Variants in EML6 observed in about 807,000 individuals in gnomAD.
EML6 encodes EMAP like 6.
EML6 carries 154 observed loss-of-function variants against 240.1 expected under a neutral mutation model. The observed-to-expected ratio is 0.64, with a 90% CI of 0.56 to 0.73. EML6 has a LOEUF of 0.73. Among genes scored for constraint, EML6 ranks in the 30% least tolerant of loss-of-function variants. The pLI is 0.00. For missense variants in EML6, 2,964 were observed against 2,474.6 expected, an observed-to-expected ratio of 1.20 and a Z score of -4.20; for synonymous variants, 1,148 against 899.0, an observed-to-expected ratio of 1.28 and a Z score of -4.95.
At chr2:54,964,858 C>G (rs1558733741) in intron 38 of EML6, 125 bp downstream of exon 38, 6 of 783,678 alleles carry the variant, frequency 7.7e-6, no homozygotes, top group Non-Finnish European at 1.2e-5. Context: ...ACCAGAACTC[C>G]TTAAGTAGTT....
chr2:54,863,151 C>A (rs919734607), intron 12 of EML6, among the ~76,000 whole-genome samples: 2 of 152,160 alleles, frequency 1.3e-5, no homozygotes, highest in South Asian at 4.1e-4. Flanking sequence ...TGGGCCATGA[C>A]AATTACCAAC....
At chr2:54,952,966 C>A (rs900503057) in intron 31 of EML6, among the ~76,000 whole-genome samples, 2 of 152,028 alleles carry the variant, frequency 1.3e-5, no homozygotes, top group African/African-American at 4.8e-5. Context: ...TTTTTCAGAC[C>A]CCAAGTGTCA....
intron 5 of EML6, among the ~76,000 whole-genome samples, chr2:54,826,079 T>A (rs188404412): frequency 6.6e-6 from 1 of 152,306 alleles, no homozygotes. Flanking sequence ...ATCTCATTGT[T>A]TCATTTGCCT....
At chr2:54,966,610 G>T (rs1676757672) in intron 38 of EML6, 1 of 157,430 alleles carries the variant, frequency 6.4e-6, no homozygotes. Context: ...CTGTGTATCA[G>T]AAACACCTGG....
At chr2:54,949,692 C>T (rs1376771693) in intron 29 of EML6, among the ~76,000 whole-genome samples, 3 of 152,132 alleles carry the variant, frequency 2.0e-5, no homozygotes, top group Non-Finnish European at 2.9e-5. Flanking sequence ...TGGGAGAGTC[C>T]CACATTGCCA....
chr2:54,817,177 T>G (rs977341375), intron 4 of EML6, among the ~76,000 whole-genome samples: 1 of 152,208 alleles, frequency 6.6e-6, no homozygotes, highest in Admixed American at 6.5e-5. Flanking sequence ...TTATGTGTAG[T>G]TTAGATGTAT....
intron 7 of EML6, among the ~76,000 whole-genome samples, chr2:54,837,461 C>T (rs562199957): frequency 6.6e-6 from 1 of 152,322 alleles, no homozygotes; most frequent in African/African-American, 2.4e-5. Flanking sequence ...CACTCACGGG[C>T]ACTCACGGGC....
chr2:54,891,916 C>T (rs376965317), intron 18 of EML6, among the ~76,000 whole-genome samples: 30 of 152,142 alleles, frequency 2.0e-4, no homozygotes, highest in African/African-American at 6.8e-4. Context: ...GTCCCGTATA[C>T]TACCTTTTCC....
At chr2:54,852,995 C>T (rs553753046) in intron 10 of EML6, among the ~76,000 whole-genome samples, 14 of 152,262 alleles carry the variant, frequency 9.2e-5, no homozygotes, top group African/African-American at 2.4e-4. Context: ...TATTTTCCCG[C>T]GTGAATTACA....
At chr2:54,787,123 C>T (rs1038487715) in intron 2 of EML6, among the ~76,000 whole-genome samples, 6 of 152,070 alleles carry the variant, frequency 3.9e-5, no homozygotes, top group East Asian at 1.9e-4. Flanking sequence ...AGCAGGGCTT[C>T]GGGGAGTTGT....
intron 4 of EML6, among the ~76,000 whole-genome samples, chr2:54,817,661 A>C (rs112526813): frequency 6.6e-6 from 1 of 152,304 alleles, no homozygotes; most frequent in African/African-American, 2.4e-5. Context: ...AAAATAAAAT[A>C]ATCTCATAAT....
intron 2 of EML6, among the ~76,000 whole-genome samples, chr2:54,769,699 T>G (rs1023554112): frequency 6.6e-6 from 1 of 152,186 alleles, no homozygotes; most frequent in Non-Finnish European, 1.5e-5. Flanking sequence ...ACTCATGACG[T>G]CCAAGAGTTT....
intron 28 of EML6, among the ~76,000 whole-genome samples, chr2:54,945,035 C>A (rs907736921): frequency 8.2e-6 from 1 of 122,298 alleles, no homozygotes; most frequent in Non-Finnish European, 1.7e-5. Context: ...CTTCCCTCCT[C>A]CTTCACTCCT....
At chr2:54,903,858 C>T (rs971934356) in intron 24 of EML6, among the ~76,000 whole-genome samples, 1 of 152,140 alleles carries the variant, frequency 6.6e-6, no homozygotes, top group East Asian at 1.9e-4. Context: ...GGCTGGTTTC[C>T]CTTTTCCACC....
At chr2:54,881,935 C>G (rs1244415705) in intron 17 of EML6, 1 of 152,266 alleles carries the variant, frequency 6.6e-6, no homozygotes, top group East Asian at 1.9e-4. Flanking sequence ...AGTGAGATTT[C>G]TCCACAGAGG....
At chr2:54,883,051 T>C (rs1671923826) in intron 17 of EML6, among the ~76,000 whole-genome samples, 1 of 112,742 alleles carries the variant, frequency 8.9e-6, no homozygotes, top group Non-Finnish European at 2.1e-5. Context: ...TTTCACTTTG[T>C]TTTTTAAAAT....
At chr2:54,833,188 T>C (rs559813090) in intron 7 of EML6, among the ~76,000 whole-genome samples, 1 of 152,218 alleles carries the variant, frequency 6.6e-6, no homozygotes, top group Non-Finnish European at 1.5e-5. Context: ...TACTAGTGTT[T>C]AGGAATCTGA....
intron 2 of EML6, among the ~76,000 whole-genome samples, chr2:54,764,825 T>A (rs1011765383): frequency 6.6e-6 from 1 of 152,222 alleles, no homozygotes; most frequent in Non-Finnish European, 1.5e-5. Context: ...TGGTAGGAGA[T>A]GCCAGATTCC....
intron 25 of EML6, 143 bp from the exon 26 acceptor site, chr2:54,916,616 A>C (rs994253004): frequency 8.7e-5 from 46 of 530,746 alleles, no homozygotes; most frequent in African/African-American, 7.5e-4. Flanking sequence ...TAAATATGCA[A>C]CTTAGAATTT....
Sources: gnomAD v4.1 joint callset for allele counts (sites outside exome capture counted in the v4.1 genomes callset) on GRCh38, gnomAD v4.1.1 for gene constraint, MANE v1.5 for transcripts, NCBI Gene and HGNC (gene_info 2026-07-23, HGNC 2026-07-21) for gene names.